The following TRIM5 variants were observed in gnomAD, a reference collection of about 807,000 sequenced individuals.
TRIM5 encodes tripartite motif-containing protein 5.
In TRIM5, 31 loss-of-function variants were observed where a neutral mutation model predicts 35.6. That is an observed-to-expected ratio of 0.87 (90% confidence interval 0.65 to 1.18). The LOEUF (loss-of-function observed/expected upper bound fraction) is 1.18, where lower values mean the gene tolerates loss of function less well. Ranked by LOEUF, TRIM5 falls within the 50% of genes most tolerant of loss-of-function variation. The pLI, the probability that TRIM5 is intolerant of heterozygous loss-of-function variation, is 0.00. For missense variants in TRIM5, 609 were observed against 591.6 expected, an observed-to-expected ratio of 1.03 and a Z score of -0.31; for synonymous variants, 243 against 215.6, an observed-to-expected ratio of 1.13 and a Z score of -1.11.
At position 5,679,778 on chromosome 11, in the gene TRIM5, C is replaced by T. The variant is rs143587466; in HGVS notation, c.400G>A (p.Val134Ile). 6 of 1,596,360 alleles carry T rather than the reference C, an allele frequency of 3.8e-6. No homozygotes were observed. Among genetic ancestry groups the T allele is most frequent in the African/African-American group, 1.3e-5 (1 of 74,536 alleles). Residue 134 changes from valine to isoleucine, a missense_variant, in exon 2 of 8, where the codon GTT (valine) becomes ATT (isoleucine). Physicochemically the swap from Val to Ile is conservative, Grantham distance 29. Transcript: ENST00000380034. ...RGHHTFLTEE[V>I]AREYQVKLQA... is the part of the protein sequence containing the mutation. Reference sequence around the variant, plus strand: ...TCTCTTACTTGGTACTCCCGGGCAACCTCCTCTGTGAGGAACGTGTGGTGA... The same window carrying T: ...TCTCTTACTTGGTACTCCCGGGCAATCTCCTCTGTGAGGAACGTGTGGTGA...
chr11:5,657,806 G>T, the TRIM5 span, among the ~76,000 whole-genome samples: 1 of 149,272 alleles, frequency 6.7e-6, no homozygotes, highest in South Asian at 2.1e-4. Flanking sequence ...AGTAGAGACA[G>T]AGTTTCACCA....
At chr11:5,592,165 T>C in the TRIM5 span, among the ~76,000 whole-genome samples, 3 of 152,208 alleles carry the variant, frequency 2.0e-5, no homozygotes, top group Non-Finnish European at 4.4e-5. Context: ...GTGACTAGCT[T>C]GATTTTCTTC....
the TRIM5 span, chr11:5,610,781 C>G: frequency 6.2e-7 from 1 of 1,613,848 alleles, no homozygotes; most frequent in Non-Finnish European, 8.5e-7. Flanking sequence ...CTACAGTTGA[C>G]GTGACCCTGA....
At chr11:5,666,293 T>A in intron 5 of TRIM5, 1 of 649,520 alleles carries the variant, frequency 1.5e-6, no homozygotes, top group South Asian at 1.6e-5. Flanking sequence ...CGTGGGAAGA[T>A]CTTAACCTCT....
At chr11:5,620,502 A>C in the TRIM5 span, among the ~76,000 whole-genome samples, 1 of 152,080 alleles carries the variant, frequency 6.6e-6, no homozygotes, top group Admixed American at 6.6e-5. Flanking sequence ...CGTCCAGCCA[A>C]GCTTTTTTTC....
At chr11:5,589,255 T>A in the TRIM5 span, 1 of 151,724 alleles carries the variant, frequency 6.6e-6, no homozygotes, top group Non-Finnish European at 1.5e-5. Context: ...GATTTTAAAA[T>A]AAAAAAATGC....
At chr11:5,629,704 C>CTTTTG in the TRIM5 span, among the ~76,000 whole-genome samples, 10 of 152,166 alleles carry the variant, frequency 6.6e-5, no homozygotes, top group Admixed American at 4.6e-4. Context: ...CGTGAGGATT[C>CTTTTG]TTTTGTTTTG....
At chr11:5,605,844 T>A in the TRIM5 span, among the ~76,000 whole-genome samples, 1 of 152,210 alleles carries the variant, frequency 6.6e-6, no homozygotes, top group Non-Finnish European at 1.5e-5. Context: ...TCCAGTGATG[T>A]TGTTCTTTCT....
the TRIM5 span, among the ~76,000 whole-genome samples, chr11:5,615,290 T>C: frequency 6.6e-6 from 1 of 152,202 alleles, no homozygotes; most frequent in East Asian, 1.9e-4. Context: ...TTAGTTGATA[T>C]TATTCAAATC....
chr11:5,622,784 A>G, the TRIM5 span, among the ~76,000 whole-genome samples: 1 of 152,214 alleles, frequency 6.6e-6, no homozygotes, highest in Non-Finnish European at 1.5e-5. Context: ...TGTAAATGAA[A>G]GAGTATCTGA....
chr11:5,632,570 G>A, the TRIM5 span: 1 of 1,613,832 alleles, frequency 6.2e-7, no homozygotes, highest in Non-Finnish European at 8.5e-7. Flanking sequence ...ATAGTGGAGA[G>A]ACTCAAGGAG....
intron 4 of TRIM5, among the ~76,000 whole-genome samples, chr11:5,676,401 G>A (rs1323043994): frequency 2.3e-4 from 35 of 151,902 alleles, no homozygotes; most frequent in Admixed American, 2.3e-3. Flanking sequence ...ACTTACAAGG[G>A]ACGTGAAGGA....
At chr11:5,666,191 T>C in intron 5 of TRIM5, 110 bp from the exon 6 acceptor site, 1 of 906,796 alleles carries the variant, frequency 1.1e-6, no homozygotes, top group Non-Finnish European at 1.7e-6. Context: ...ACTCTCTTCT[T>C]GGGGATCCTG....
chr11:5,609,786 G>A, the TRIM5 span, among the ~76,000 whole-genome samples: 1 of 152,130 alleles, frequency 6.6e-6, no homozygotes, highest in Non-Finnish European at 1.5e-5. Context: ...AGCCAGGCGT[G>A]GTGGCACGCG....
chr11:5,645,186 G>A, the TRIM5 span, among the ~76,000 whole-genome samples: 1 of 152,110 alleles, frequency 6.6e-6, no homozygotes, highest in Admixed American at 6.5e-5. Flanking sequence ...GAGGTCAGGA[G>A]TTCAAGACTG....
chr11:5,668,691 C>A (rs1025451202), intron 4 of TRIM5, among the ~76,000 whole-genome samples: 1 of 152,114 alleles, frequency 6.6e-6, no homozygotes, highest in African/African-American at 2.4e-5. Context: ...CTCAAGTGAT[C>A]CACCTGCCTT....
At chr11:5,600,550 T>C in the TRIM5 span, among the ~76,000 whole-genome samples, 1 of 152,170 alleles carries the variant, frequency 6.6e-6, no homozygotes, top group East Asian at 1.9e-4. Context: ...CTTACCCTTA[T>C]CTGAGACACT....
the TRIM5 span, chr11:5,610,663 C>G: frequency 6.4e-7 from 1 of 1,563,608 alleles, no homozygotes; most frequent in Non-Finnish European, 8.7e-7. Context: ...GATGCCTCCC[C>G]CATCCCCGCC....
Position 5,664,252 on chromosome 11 carries a change from T to C in TRIM5, c.*557A>G. On this transcript the variant is annotated 3_prime_UTR_variant, in exon 8 of 8. Coordinates refer to ENST00000380034, the MANE Select transcript of TRIM5 (RefSeq NM_033034.3). ...AAGAAAAGGAAATAAGCACAGCCAT[T>C]TAAGTATGTTATTCACAGTTACACT... 1.0e-6 allele frequency: 1 copy of C among 983,494 alleles called. No individual in the cohort carries two copies. The highest frequency in any genetic ancestry group is 1.1e-4 in the East Asian group (1 of 8,808). The allele number at this position is 983,494 out of a possible 1,614,324, so 60.9% of individuals were successfully genotyped here.
Sources: gnomAD v4.1 joint callset for allele counts (sites outside exome capture counted in the v4.1 genomes callset) on GRCh38, gnomAD v4.1.1 for gene constraint, MANE v1.5 for transcripts, NCBI Gene and HGNC (gene_info 2026-07-23, HGNC 2026-07-21) for gene names.